PCDHGA5: variants seen among roughly 807,000 people sequenced by gnomAD.
PCDHGA5 encodes protocadherin gamma-A5.
A neutral mutation model predicts 56.7 loss-of-function variants in PCDHGA5; 36 were observed. The observed-to-expected ratio is 0.64, with a 90% CI of 0.49 to 0.84. The LOEUF is 0.84. Among genes scored for constraint, PCDHGA5 ranks in the 40% least tolerant of loss-of-function variants. PCDHGA5 has a pLI of 0.00. For missense variants in PCDHGA5, 1,305 were observed against 1,201.5 expected (o/e 1.09, Z -1.27); for synonymous variants, 563 against 520.2 (o/e 1.08, Z -1.12).
chr5:141,432,094 C>G lies in PCDHGA5; in HGVS notation c.2422-62713C>G. On this transcript the variant is annotated intron_variant, in intron 1 of 3. Transcript: ENST00000518069. This position sits in a 1 kb window ranked among gnomAD's most constrained non-coding sequence, Gnocchi z 6.0. ...ATATCTCGCTGAACGTGGCAGACAC[C>G]AACGACAACCCGCCGGTCTTCCCTC... The G allele has an allele frequency of 6.2e-7, 1 of 1,614,178 alleles. No homozygotes were observed. The highest frequency in any genetic ancestry group is 8.5e-7 in the Non-Finnish European group (1 of 1,180,046).
intron 1 of PCDHGA5, chr5:141,404,646 C>G (rs1461001534): frequency 3.1e-6 from 5 of 1,614,208 alleles, no homozygotes; most frequent in Non-Finnish European, 3.4e-6. Flanking sequence ...ATCCTGTACC[C>G]TGCCCTCCCC....
In PCDHGA5 at chr5:141,366,583, G is replaced by C. The variant is rs369592022; in HGVS notation, c.2253G>C (p.Gln751His). The C allele has an allele frequency of 3.1e-6, 5 of 1,614,138 alleles. No homozygotes were observed. In the African/African-American group the frequency reaches 5.3e-5, roughly 17 times the overall value. The change falls in exon 1 of 4, where the codon CAG becomes CAC. Residue 751 changes from glutamine (Q) to histidine (H), a missense_variant. Coordinates refer to ENST00000518069, the MANE Select transcript of PCDHGA5 (RefSeq NM_018918.3). The stretch of plus-strand genomic sequence containing the variant: ...TGGATGGGGTTCGGGCTTTCCTGCA[G>C]ACCTATTCCCACGAGGTCTCCCTCA... The part of the protein sequence containing the change: ...VGVDGVRAFL[Q>H]TYSHEVSLTA...
chr5:141,384,485 A>G (rs1410076707), intron 1 of PCDHGA5: 1 of 1,614,130 alleles, frequency 6.2e-7, no homozygotes, highest in Non-Finnish European at 8.5e-7. Context: ...AGAGAACTAC[A>G]ACTAAGAGTG....
At chr5:141,401,614 G>T (rs1242268897) in intron 1 of PCDHGA5, among the ~76,000 whole-genome samples, 1 of 152,188 alleles carries the variant, frequency 6.6e-6, no homozygotes, top group Non-Finnish European at 1.5e-5. Context: ...AAAGACACCG[G>T]ATTTGTCTTA....
At position 141,420,439 on chromosome 5, in the gene PCDHGA5, C is replaced by T. The variant is rs2096496531; in HGVS notation, c.2421+53688C>T. ...TTAAAACAAAAGTTTAAATTAAATGCCTCAGTCTTCCTACTATTCAAAGAC... is the reference window on the plus strand; with the variant it reads ...TTAAAACAAAAGTTTAAATTAAATGTCTCAGTCTTCCTACTATTCAAAGAC... On this transcript the variant is annotated intron_variant, in intron 1 of 3. Coordinates refer to ENST00000518069, the MANE Select transcript of PCDHGA5 (RefSeq NM_018918.3). 10 of 1,073,160 alleles carry T rather than the reference C, an allele frequency of 9.3e-6. No individual in the cohort carries two copies. In the South Asian group the frequency reaches 2.0e-4, roughly 22 times the overall value. The allele number at this position is 1,073,160 out of a possible 1,614,324, so 66.5% of individuals were successfully genotyped here.
intron 1 of PCDHGA5, chr5:141,393,313 T>G: frequency 1.2e-6 from 2 of 1,613,324 alleles, no homozygotes; most frequent in Non-Finnish European, 1.7e-6. Flanking sequence ...GTGAACTCCC[T>G]CCAGAGCTAC....
At chr5:141,505,673 G>C (rs1389292278) in intron 3 of PCDHGA5, among the ~76,000 whole-genome samples, 192 bp downstream of exon 3, 1 of 152,178 alleles carries the variant, frequency 6.6e-6, no homozygotes, top group East Asian at 1.9e-4. Context: ...AGGGGTTGGG[G>C]GTCCTGGGAT....
At chr5:141,441,878 TG>T in intron 1 of PCDHGA5, 1 of 343,708 alleles carries the variant, frequency 2.9e-6, no homozygotes, top group Non-Finnish European at 5.6e-6. Context: ...CCTGGCTACC[TG>T]GTCACCAAGG....
At chr5:141,416,011 G>A (rs2095982763) in intron 1 of PCDHGA5, 2 of 239,912 alleles carry the variant, frequency 8.3e-6, no homozygotes, top group Non-Finnish European at 7.8e-6. Flanking sequence ...GGTAAGAATA[G>A]GTAAGTATCA....
chr5:141,365,467 T>C lies in PCDHGA5; in HGVS notation c.1137T>C (p.Asn379=), dbSNP rs761340226. The change falls in exon 1 of 4, where the codon AAT becomes AAC. Residue 379 remains asparagine (N), a synonymous_variant. Transcript: ENST00000518069. ...TACATGATGGTGATTCTGGAGAAAA[T>C]GGTGAGATTGCATGCTCTATTCCTA... ...FSVHDGDSGE[N]GEIACSIPRN... is the part of the protein sequence containing the mutation. 3.7e-6 allele frequency: 6 copies of C among 1,613,974 alleles called. No homozygotes were observed. Among genetic ancestry groups the C allele is most frequent in the Non-Finnish European group, 4.2e-6 (5 of 1,179,890 alleles).
At chr5:141,391,211 A>C (rs2092317474) in intron 1 of PCDHGA5, 1 of 152,220 alleles carries the variant, frequency 6.6e-6, no homozygotes, top group African/African-American at 2.4e-5. Flanking sequence ...AATACCAAGG[A>C]ACATTATATG....
intron 2 of PCDHGA5, among the ~76,000 whole-genome samples, chr5:141,499,298 C>A (rs1239333151): frequency 6.6e-6 from 1 of 152,210 alleles, no homozygotes; most frequent in African/African-American, 2.4e-5. Context: ...ACACTACCAT[C>A]CCTCCTCTGA....
At position 141,489,125 on chromosome 5, in the gene PCDHGA5, G is replaced by T. The variant is rs537146985; in HGVS notation, c.2422-5682G>T. 1.1e-4 allele frequency: 77 copies of T among 728,124 alleles called. No individual in the cohort carries two copies. The East Asian group carries it at 1.9e-3, about 18-fold the overall frequency. 45.1% of individuals were successfully genotyped at this position (728,124 alleles called of 1,614,324 possible). A position where few individuals can be genotyped will look rare whatever the true frequency, so the allele number is the denominator to read the frequency against. ...CTGCAAGCAGGCAAACCTCCGAGCAGTTTTTAAGAGGCTGGAAGGAGACAT... is the reference window on the plus strand; with the variant it reads ...CTGCAAGCAGGCAAACCTCCGAGCATTTTTTAAGAGGCTGGAAGGAGACAT... On this transcript the variant is annotated intron_variant, in intron 1 of 3. Coordinates refer to ENST00000518069, the MANE Select transcript of PCDHGA5 (RefSeq NM_018918.3). The surrounding 1 kb of genome is among the most constrained non-coding windows in gnomAD (Gnocchi z 4.5).
At chr5:141,415,114 G>C (rs186848544) in intron 1 of PCDHGA5, 1 of 1,613,648 alleles carries the variant, frequency 6.2e-7, no homozygotes, top group Non-Finnish European at 8.5e-7. Flanking sequence ...GCAAAGCCTC[G>C]TAGTGGCCGT....
At chr5:141,375,231 C>T in intron 1 of PCDHGA5, 1 of 1,613,964 alleles carries the variant, frequency 6.2e-7, no homozygotes, top group East Asian at 2.2e-5. Flanking sequence ...GGCCTGGTAA[C>T]CTGTTCCATC....
At chr5:141,417,667 C>A (rs545100460) in intron 1 of PCDHGA5, 5 of 918,744 alleles carry the variant, frequency 5.4e-6, no homozygotes, top group South Asian at 3.8e-5. Flanking sequence ...GGATTCCCTG[C>A]GCAGCCAACA....
intron 2 of PCDHGA5, among the ~76,000 whole-genome samples, chr5:141,504,451 G>A (rs2099838355): frequency 1.3e-5 from 2 of 152,070 alleles, no homozygotes; most frequent in South Asian, 4.2e-4. Context: ...CTAGTGCCAT[G>A]TGGGGCAGCC....
At position 141,469,305 on chromosome 5, in the gene PCDHGA5, G is replaced by A. The variant is rs990437808; in HGVS notation, c.2422-25502G>A. Among the ~76,000 whole-genome samples the A allele has an allele frequency of 3.9e-5, 6 of 152,192 alleles. No homozygotes were observed. The South Asian group carries it at 6.2e-4, about 16-fold the overall frequency. On this transcript the variant is annotated intron_variant, in intron 1 of 3. Transcript: ENST00000518069. ...AAATAAAACAAAATAGACTGGGCACGATGGCTCACGCCTGTAATCCCACCA... is the reference window on the plus strand; with the variant it reads ...AAATAAAACAAAATAGACTGGGCACAATGGCTCACGCCTGTAATCCCACCA...
Position 141,491,687 on chromosome 5 carries a change from G to A in PCDHGA5, c.2422-3120G>A. On this transcript the variant is annotated intron_variant, in intron 1 of 3. Transcript: ENST00000518069. This position sits in a 1 kb window ranked among gnomAD's most constrained non-coding sequence, Gnocchi z 6.9. Reference sequence around the variant, plus strand: ...ATCCGGTCCCGCTCTAATACGCTGCGGGAGCGGAGCCAGGTGAGGGGCTCG... The same window carrying A: ...ATCCGGTCCCGCTCTAATACGCTGCAGGAGCGGAGCCAGGTGAGGGGCTCG... The A allele has an allele frequency of 6.2e-7, 1 of 1,613,072 alleles. No homozygotes were observed. The highest frequency in any genetic ancestry group is 8.5e-7 in the Non-Finnish European group (1 of 1,179,608).
Sources: allele counts gnomAD v4.1 joint callset (sites outside exome capture counted in the v4.1 genomes callset), GRCh38; gene constraint gnomAD v4.1.1; non-coding constraint Gnocchi (gnomAD v3.1); transcripts MANE v1.5; gene names NCBI Gene and HGNC (gene_info 2026-07-23, HGNC 2026-07-21).